TMEM119: variants seen among roughly 807,000 people sequenced by gnomAD.
The protein encoded by TMEM119 is transmembrane protein 119, also known as osteoblast induction factor.
For synonymous variants in TMEM119, 182 were observed against 176.4 expected (o/e 1.03, Z -0.25); for missense variants, 410 against 381.0 (o/e 1.08, Z -0.63).
chr12:108,597,281 T>G (rs993514322), intron 1 of TMEM119, among the ~76,000 whole-genome samples: 21 of 151,998 alleles, frequency 1.4e-4, no homozygotes, highest in Admixed American at 2.0e-4. Context: ...CAGAGACTGG[T>G]GGCCTTTGGG....
In TMEM119 at chr12:108,591,464, C is replaced by T. The variant is rs1378485001; in HGVS notation, c.*68G>A. Reference sequence around the variant, plus strand: ...GTCAGGAAGCAGTCAGGGCTGAAGGCCTTTTCATACACGGGGAGGTGACCA... The same window carrying T: ...GTCAGGAAGCAGTCAGGGCTGAAGGTCTTTTCATACACGGGGAGGTGACCA... On this transcript the variant is annotated 3_prime_UTR_variant, in exon 2 of 2. Coordinates refer to ENST00000392806, the MANE Select transcript of TMEM119 (RefSeq NM_181724.3). This position sits in a 1 kb window ranked among gnomAD's most constrained non-coding sequence, Gnocchi z 4.2. 1 of 1,498,606 alleles carries T rather than the reference C, an allele frequency of 6.7e-7. No individual in the cohort carries two copies. Among genetic ancestry groups the T allele is most frequent in the East Asian group, 2.3e-5 (1 of 43,462 alleles). 92.8% of individuals were successfully genotyped at this position (1,498,606 alleles called of 1,614,324 possible).
chr12:108,594,076 C>G (rs973274672), intron 1 of TMEM119: 4 of 152,320 alleles, frequency 2.6e-5, no homozygotes, highest in Admixed American at 1.3e-4. Flanking sequence ...AGCCAGGCTC[C>G]CAAGGCCTCG....
rs79182060 is a variant in TMEM119, at chr12:108,593,486, C to T, written c.-14-1089G>A. On this transcript the variant is annotated intron_variant, in intron 1 of 1. Coordinates refer to ENST00000392806, the MANE Select transcript of TMEM119 (RefSeq NM_181724.3). ...AAAAGATTCGTAGGGTTTGAAGCCT[C>T]CAGGTCTCTGAGCTAGGCAGGGGTC... 2.9e-3 allele frequency among the ~76,000 whole-genome samples: 443 copies of T among 152,218 alleles called. 1 individual carries two copies. The highest frequency in any genetic ancestry group is 4.1e-3 in the Non-Finnish European group (280 of 67,994).
At position 108,592,285 on chromosome 12, in the gene TMEM119, C is replaced by T. The variant is rs369709301; in HGVS notation, c.99G>A (p.Thr33=). 4.2e-5 allele frequency: 68 copies of T among 1,609,564 alleles called. No individual in the cohort carries two copies. Among genetic ancestry groups the T allele is most frequent in the South Asian group, 1.8e-4 (16 of 90,926 alleles). Residue 33 remains threonine (T), a synonymous_variant, in exon 2 of 2, where the codon ACG becomes ACA. Coordinates refer to ENST00000392806, the MANE Select transcript of TMEM119 (RefSeq NM_181724.3). The surrounding 1 kb of genome is among the most constrained non-coding windows in gnomAD (Gnocchi z 4.3). ...TDARSVPLKA[T]FLEDVAGSGE... ...CACTACCCGCCACATCCTCCAGGAA[C>T]GTGGCCTTCAGGGGCACAGAGCGGG...
At position 108,592,192 on chromosome 12, in the gene TMEM119, G is replaced by C; in HGVS notation, c.192C>G (p.Pro64=). Residue 64 remains proline (P), a synonymous_variant, in exon 2 of 2, where the codon CCC becomes CCG. Coordinates refer to ENST00000392806, the MANE Select transcript of TMEM119 (RefSeq NM_181724.3). This position sits in a 1 kb window ranked among gnomAD's most constrained non-coding sequence, Gnocchi z 4.3. The part of the protein sequence containing the change: ...LPPPWTPALS[P]TSMGPQPITL... ...TTATGGGCTGGGGCCCCATCGATGT[G>C]GGGCTGAGGGCCGGGGTCCAGGGTG... 1 of 1,613,686 alleles carries C rather than the reference G, an allele frequency of 6.2e-7. No homozygotes were observed. The highest frequency in any genetic ancestry group is 1.3e-5 in the African/African-American group (1 of 75,038).
chr12:108,591,505 G>A lies in TMEM119; in HGVS notation c.*27C>T. 1 of 1,548,982 alleles carries A rather than the reference G, an allele frequency of 6.5e-7. No homozygotes were observed. On this transcript the variant is annotated 3_prime_UTR_variant, in exon 2 of 2. Transcript: ENST00000392806. The surrounding 1 kb of genome is among the most constrained non-coding windows in gnomAD (Gnocchi z 4.2). ...GAGGTGACCACTTGGGGGCCCGACA[G>A]TCAGGGCTGGCAGCCCGGGAGGACT...
Position 108,592,137 on chromosome 12 carries a change from A to G in TMEM119, c.247T>C (p.Phe83Leu). Residue 83 changes from phenylalanine to leucine, a missense_variant, in exon 2 of 2, where the codon TTC (phenylalanine) becomes CTC (leucine). Physicochemically the swap from Phe to Leu is conservative, Grantham distance 22. Coordinates refer to ENST00000392806, the MANE Select transcript of TMEM119 (RefSeq NM_181724.3). This position sits in a 1 kb window ranked among gnomAD's most constrained non-coding sequence, Gnocchi z 4.3. ...TLGGPSPPTN[F>L]LDGIVDFFRQ... Reference sequence around the variant, plus strand: ...AAGAAGTCCACTATCCCATCCAGGAAGTTGGTGGGGGGTGATGGGCCCCCC... The same window carrying G: ...AAGAAGTCCACTATCCCATCCAGGAGGTTGGTGGGGGGTGATGGGCCCCCC... 1 of 1,614,026 alleles carries G rather than the reference A, an allele frequency of 6.2e-7. No individual in the cohort carries two copies. The highest frequency in any genetic ancestry group is 2.2e-5 in the East Asian group (1 of 44,856).
rs2031419035 is a variant in TMEM119 at position 108,592,156 on chromosome 12, G to A, written c.228C>T (p.Gly76=). ...SMGPQPITLG[G]PSPPTNFLDG... is the part of the protein sequence containing the mutation. Reference sequence around the variant, plus strand: ...CCAGGAAGTTGGTGGGGGGTGATGGGCCCCCCAGGGTTATGGGCTGGGGCC... The same window carrying A: ...CCAGGAAGTTGGTGGGGGGTGATGGACCCCCCAGGGTTATGGGCTGGGGCC... The change falls in exon 2 of 2, where the codon GGC becomes GGT. Residue 76 remains glycine, a synonymous_variant. Coordinates refer to ENST00000392806, the MANE Select transcript of TMEM119 (RefSeq NM_181724.3). The surrounding 1 kb of genome is among the most constrained non-coding windows in gnomAD (Gnocchi z 4.3). The A allele has an allele frequency of 1.2e-6, 2 of 1,614,004 alleles. No homozygotes were observed. The highest frequency in any genetic ancestry group is 1.1e-5 in the South Asian group (1 of 91,080).
intron 1 of TMEM119, among the ~76,000 whole-genome samples, chr12:108,596,633 G>A (rs906805559): frequency 2.0e-5 from 3 of 152,220 alleles, no homozygotes; most frequent in African/African-American, 7.2e-5. Context: ...AAAAAAGATG[G>A]TTGTGTGGCC....
intron 1 of TMEM119, among the ~76,000 whole-genome samples, chr12:108,595,393 C>T (rs1404801724): frequency 6.7e-6 from 1 of 148,402 alleles, no homozygotes; most frequent in Admixed American, 6.7e-5. Context: ...CACAACCATG[C>T]ACACACATAC....
chr12:108,590,384 T>C lies in TMEM119; in HGVS notation c.*1148A>G, dbSNP rs1299619671. The C allele has an allele frequency of 6.6e-6, 1 of 152,184 alleles. No homozygotes were observed. The highest frequency in any genetic ancestry group is 2.4e-5 in the African/African-American group (1 of 41,436). 9.4% of individuals were successfully genotyped at this position (152,184 alleles called of 1,614,324 possible). A position where few individuals can be genotyped will look rare whatever the true frequency, so the allele number is the denominator to read the frequency against. ...TTCCAGAGTGGGTGCTGCAGGATTT[T>C]ACCCTGTAGCTGTTTTAAAAAGTAG... is the stretch of plus-strand genomic sequence containing the variant. On this transcript the variant is annotated 3_prime_UTR_variant, in exon 2 of 2. Coordinates refer to ENST00000392806, the MANE Select transcript of TMEM119 (RefSeq NM_181724.3).
Position 108,591,869 on chromosome 12 carries a change from A to C in TMEM119, c.515T>G (p.Leu172Arg), listed in dbSNP as rs760725692. ...PEEALDSSRQ[L>R]QADILAATQN... The stretch of plus-strand genomic sequence containing the variant: ...GGTGGCGGCCAAGATGTCGGCCTGG[A>C]GCTGCCGGGAGGAATCCAGGGCTTC... Residue 172 changes from leucine (L) to arginine (R), a missense_variant, in exon 2 of 2, where the codon CTC (leucine) becomes CGC (arginine). Coordinates refer to ENST00000392806, the MANE Select transcript of TMEM119 (RefSeq NM_181724.3). The surrounding 1 kb of genome is among the most constrained non-coding windows in gnomAD (Gnocchi z 4.2). 2 of 1,608,108 alleles carry C rather than the reference A, an allele frequency of 1.2e-6. No individual in the cohort carries two copies. Among genetic ancestry groups the C allele is most frequent in the East Asian group, 4.5e-5 (2 of 44,764 alleles).
Position 108,597,995 on chromosome 12 carries a change from T to C in TMEM119, c.-40A>G, listed in dbSNP as rs1469212670. ...CAGTTCCTTGGCGTACAGGACTGGG[T>C]GCTCCCGCCGAATGGAGCGAGAGTG... On this transcript the variant is annotated 5_prime_UTR_variant, in exon 1 of 2. Transcript: ENST00000392806. 6.6e-6 allele frequency: 1 copy of C among 152,276 alleles called. No individual in the cohort carries two copies. The highest frequency in any genetic ancestry group is 1.5e-5 in the Non-Finnish European group (1 of 68,154). The allele number at this position is 152,276 out of a possible 1,614,324, so 9.4% of individuals were successfully genotyped here.
chr12:108,591,500 C>A lies in TMEM119; in HGVS notation c.*32G>T. 1 of 1,540,374 alleles carries A rather than the reference C, an allele frequency of 6.5e-7. No homozygotes were observed. Among genetic ancestry groups the A allele is most frequent in the Non-Finnish European group, 8.7e-7 (1 of 1,144,422 alleles). ...ACGGGGAGGTGACCACTTGGGGGCC[C>A]GACAGTCAGGGCTGGCAGCCCGGGA... On this transcript the variant is annotated 3_prime_UTR_variant, in exon 2 of 2. Coordinates refer to ENST00000392806, the MANE Select transcript of TMEM119 (RefSeq NM_181724.3). This position sits in a 1 kb window ranked among gnomAD's most constrained non-coding sequence, Gnocchi z 4.2.
At chr12:108,593,568 C>G (rs1410932182) in intron 1 of TMEM119, among the ~76,000 whole-genome samples, 1 of 152,154 alleles carries the variant, frequency 6.6e-6, no homozygotes, top group Non-Finnish European at 1.5e-5. Flanking sequence ...CCCCCAGGCT[C>G]CAAGCAGGAG....
chr12:108,593,841 G>A (rs557914094), intron 1 of TMEM119, among the ~76,000 whole-genome samples: 1 of 152,246 alleles, frequency 6.6e-6, no homozygotes, highest in African/African-American at 2.4e-5. Flanking sequence ...GCTCCCAGCT[G>A]CTCAAACCCA....
chr12:108,593,097 T>TTCAGGGGCTTTC (rs1435418674), intron 1 of TMEM119, among the ~76,000 whole-genome samples: 1 of 152,036 alleles, frequency 6.6e-6, no homozygotes, highest in Admixed American at 6.5e-5. Context: ...AACCTGGTGG[T>TTCAGGGGCTTTC]TCAGGGGCTT....
chr12:108,591,915 C>T lies in TMEM119; in HGVS notation c.469G>A (p.Ala157Thr). Residue 157 changes from alanine to threonine, a missense_variant, in exon 2 of 2, where the codon GCC becomes ACC. Transcript: ENST00000392806. The surrounding 1 kb of genome is among the most constrained non-coding windows in gnomAD (Gnocchi z 4.2). ...PRAFSEVPDR[A>T]PDSRPEEALD... ...GCTTCCTCGGGCCTGCTGTCGGGGGCTCTGTCGGGGACCTCACTGAAGGCC... is the reference window on the plus strand; with the variant it reads ...GCTTCCTCGGGCCTGCTGTCGGGGGTTCTGTCGGGGACCTCACTGAAGGCC... 6.2e-7 allele frequency: 1 copy of T among 1,613,260 alleles called. No individual in the cohort carries two copies.
chr12:108,595,116 T>A lies in TMEM119; in HGVS notation c.-14-2719A>T, dbSNP rs1484986982. ...GACTTCCCCAAGGACACACAGATGA[T>A]AAGTAGCTGAGCTGGGATCTGAACC... On this transcript the variant is annotated intron_variant, in intron 1 of 1. Coordinates refer to ENST00000392806, the MANE Select transcript of TMEM119 (RefSeq NM_181724.3). 3.3e-5 allele frequency among the ~76,000 whole-genome samples: 5 copies of A among 151,986 alleles called. No homozygotes were observed. In the South Asian group the frequency reaches 8.3e-4, roughly 25 times the overall value.
Sources: gnomAD v4.1 joint callset for allele counts (sites outside exome capture counted in the v4.1 genomes callset) on GRCh38, gnomAD v4.1.1 for gene constraint, Gnocchi (gnomAD v3.1) non-coding constraint, MANE v1.5 for transcripts, NCBI Gene and HGNC (gene_info 2026-07-23, HGNC 2026-07-21) for gene names.